The following PPP2R2B variants were observed in gnomAD, a reference collection of about 807,000 sequenced individuals.
The protein encoded by PPP2R2B is protein phosphatase 2 regulatory subunit Bbeta.
In PPP2R2B, 5 loss-of-function variants were observed where a neutral mutation model predicts 46.0. The ratio of observed to expected loss-of-function variants is 0.11; its 90% CI spans 0.06 to 0.23. The LOEUF is 0.23. PPP2R2B is among the 10% of genes least tolerant of loss of function. The probability of loss-of-function intolerance (pLI) is 1.00; values close to 1 mark genes in which losing one functional copy is unlikely to be tolerated. For missense variants in PPP2R2B, 367 were observed against 575.0 expected (o/e 0.64, Z 3.70); for synonymous variants, 215 against 206.7 (o/e 1.04, Z -0.34).
intron 2 of PPP2R2B, among the ~76,000 whole-genome samples, chr5:146,750,559 A>G (rs1279078099): frequency 6.6e-6 from 1 of 152,196 alleles, no homozygotes; most frequent in East Asian, 1.9e-4. Context: ...ATATTTCTGT[A>G]CTGTAAGAAA....
In PPP2R2B at chr5:146,759,544, C is replaced by T. The variant is rs558427853; in HGVS notation, c.71-58402G>A. Among the ~76,000 whole-genome samples the T allele has an allele frequency of 8.5e-5, 13 of 152,298 alleles. No homozygotes were observed. The East Asian group carries it at 2.5e-3, about 29-fold the overall frequency. ...CCACCTCCCCTGTGGGCTTAAGAAA[C>T]TCTTACTTATCCTCCAAGACTCTGC... On this transcript the variant is annotated intron_variant, in intron 2 of 9. Coordinates refer to ENST00000394411, the MANE Select transcript of PPP2R2B (RefSeq NM_181675.4).
At chr5:147,070,309 TG>T (rs1561612210) in intron 2 of PPP2R2B, among the ~76,000 whole-genome samples, 1 of 152,144 alleles carries the variant, frequency 6.6e-6, no homozygotes, top group Non-Finnish European at 1.5e-5. Context: ...GCAACCAAAT[TG>T]GTATAAAGTT....
At chr5:146,800,921 C>G (rs1032659841) in intron 2 of PPP2R2B, among the ~76,000 whole-genome samples, 1 of 148,396 alleles carries the variant, frequency 6.7e-6, no homozygotes, top group Non-Finnish European at 1.5e-5. Flanking sequence ...TGTACATACA[C>G]ACACACACAC....
At chr5:146,912,882 C>T (rs1351892801) in intron 1 of PPP2R2B, among the ~76,000 whole-genome samples, 3 of 152,150 alleles carry the variant, frequency 2.0e-5, no homozygotes, top group Non-Finnish European at 2.9e-5. Context: ...TTCAATGTGT[C>T]AAGTACTACC....
At chr5:146,761,809 G>C (rs1342237795) in intron 2 of PPP2R2B, among the ~76,000 whole-genome samples, 6 of 151,994 alleles carry the variant, frequency 3.9e-5, no homozygotes, top group African/African-American at 1.5e-4. Context: ...CATGGTGCCT[G>C]GTGTGTAACA....
At chr5:146,903,190 A>G (rs891635008) in intron 1 of PPP2R2B, among the ~76,000 whole-genome samples, 2 of 152,180 alleles carry the variant, frequency 1.3e-5, no homozygotes, top group Non-Finnish European at 2.9e-5. Flanking sequence ...GTTAATATGT[A>G]ATGAGTTTAT....
intron 2 of PPP2R2B, among the ~76,000 whole-genome samples, chr5:146,808,542 A>G (rs531969881): frequency 2.5e-4 from 38 of 152,282 alleles, no homozygotes; most frequent in African/African-American, 8.9e-4. Context: ...GGAAGAACTG[A>G]CCAATCCTGA....
intron 7 of PPP2R2B, among the ~76,000 whole-genome samples, chr5:146,630,033 C>T (rs566673571): frequency 7.9e-5 from 12 of 152,228 alleles, no homozygotes; most frequent in South Asian, 4.1e-4. Flanking sequence ...AGGCTGGTCT[C>T]GAACCTCCTG....
At chr5:147,037,873 T>A (rs1561591981) in intron 1 of PPP2R2B, among the ~76,000 whole-genome samples, 1 of 152,200 alleles carries the variant, frequency 6.6e-6, no homozygotes, top group Non-Finnish European at 1.5e-5. Context: ...AGGGACTCTG[T>A]TTTATTTACC....
At chr5:146,628,979 T>C (rs759235511) in intron 7 of PPP2R2B, among the ~76,000 whole-genome samples, 8 of 152,158 alleles carry the variant, frequency 5.3e-5, no homozygotes. Flanking sequence ...CCTCCTCCTT[T>C]CCCCTACCCC....
intron 2 of PPP2R2B, 81 bp downstream of exon 2, chr5:146,877,921 C>G: frequency 6.7e-7 from 1 of 1,499,638 alleles, no homozygotes; most frequent in Non-Finnish European, 9.0e-7. Context: ...TCCGCCACTA[C>G]GCGCCCAGCT....
At chr5:146,704,071 G>T (rs1779694044) in intron 2 of PPP2R2B, among the ~76,000 whole-genome samples, 1 of 152,130 alleles carries the variant, frequency 6.6e-6, no homozygotes, top group African/African-American at 2.4e-5. Flanking sequence ...CATGTTTCCT[G>T]ACTCATTTAT....
intron 5 of PPP2R2B, among the ~76,000 whole-genome samples, chr5:146,673,851 C>A (rs555480863): frequency 6.6e-6 from 1 of 152,310 alleles, no homozygotes; most frequent in African/African-American, 2.4e-5. Flanking sequence ...CACAGAATCT[C>A]AAACTGAGGA....
At chr5:146,685,884 C>A (rs117959071) in intron 5 of PPP2R2B, among the ~76,000 whole-genome samples, 34 of 152,280 alleles carry the variant, frequency 2.2e-4, no homozygotes, top group Admixed American at 1.8e-3. Context: ...CCTCACCCCC[C>A]GCCTTCCACC....
intron 2 of PPP2R2B, among the ~76,000 whole-genome samples, chr5:146,840,129 A>AAGG (rs1759540501): frequency 6.6e-6 from 1 of 152,220 alleles, no homozygotes; most frequent in Non-Finnish European, 1.5e-5. Context: ...TTTCTATTTA[A>AAGG]AGGAGCAGCA....
At chr5:146,950,603 T>C (rs538806781) in intron 1 of PPP2R2B, among the ~76,000 whole-genome samples, 14 of 152,152 alleles carry the variant, frequency 9.2e-5, no homozygotes, top group African/African-American at 3.1e-4. Flanking sequence ...TTTTTAATGC[T>C]TTTAAAAGGT....
intron 1 of PPP2R2B, among the ~76,000 whole-genome samples, chr5:146,958,301 T>C (rs1175787935): frequency 6.6e-6 from 1 of 152,124 alleles, no homozygotes; most frequent in Non-Finnish European, 1.5e-5. Flanking sequence ...ATTGTCTTGA[T>C]TTTCACACCA....
At chr5:146,706,646 C>T (rs1006706607) in intron 2 of PPP2R2B, 18 of 827,220 alleles carry the variant, frequency 2.2e-5, no homozygotes, top group African/African-American at 3.4e-5. Flanking sequence ...GGGAAATCCT[C>T]CCGCCTTTGA....
At chr5:146,599,543 C>T (rs1466370324) in intron 8 of PPP2R2B, among the ~76,000 whole-genome samples, 7 of 152,196 alleles carry the variant, frequency 4.6e-5, no homozygotes, top group Non-Finnish European at 8.8e-5. Flanking sequence ...TGATCAGCCC[C>T]TTGCCTCTAT....
Sources: gnomAD v4.1 joint callset for allele counts (sites outside exome capture counted in the v4.1 genomes callset) on GRCh38, gnomAD v4.1.1 for gene constraint, MANE v1.5 for transcripts, NCBI Gene and HGNC (gene_info 2026-07-23, HGNC 2026-07-21) for gene names.